Variants in KDELR1 observed in about 807,000 individuals in gnomAD.
The protein encoded by KDELR1 is KDEL endoplasmic reticulum protein retention receptor 1, also known as ER lumen protein-retaining receptor 1.
In KDELR1, 16 loss-of-function variants were observed where a neutral mutation model predicts 25.5. That is an observed-to-expected ratio of 0.63 (90% CI 0.43 to 0.95). The LOEUF is 0.95. Ranked by LOEUF, KDELR1 falls within the 40% of genes least tolerant of loss-of-function variation. The pLI is 0.00. For synonymous variants in KDELR1, 121 were observed against 115.0 expected, an observed-to-expected ratio of 1.05 and a Z score of -0.33; for missense variants, 159 against 265.2, an observed-to-expected ratio of 0.60 and a Z score of 2.78.
chr19:48,396,547 G>A (rs1970643945), upstream of KDELR1, among the ~76,000 whole-genome samples: 1 of 151,960 alleles, frequency 6.6e-6, no homozygotes. Flanking sequence ...GGGTTATTTT[G>A]GGGCGGAGTG....
Position 48,383,300 on chromosome 19 carries a change from G to A in KDELR1, c.632C>T (p.Pro211Leu). ...KVLKGKKLSL[P>L]A ...AGATGGAGAGGACCGGGGCTATGCC[G>A]GCAAACTCAACTTCTTCCCCTTTAG... The change falls in exon 5 of 5, where the codon CCG (proline) becomes CTG (leucine). Residue 211 changes from proline (P) to leucine (L), a missense_variant. Pro to Leu is a moderately conservative substitution (Grantham distance 98). Coordinates refer to ENST00000330720, the MANE Select transcript of KDELR1 (RefSeq NM_006801.3). The A allele has an allele frequency of 6.4e-6, 10 of 1,552,190 alleles. No homozygotes were observed. The highest frequency in any genetic ancestry group is 8.7e-6 in the Non-Finnish European group (10 of 1,147,244).
Position 48,383,112 on chromosome 19 carries a change from G to A in KDELR1, c.*181C>T. 1 of 629,934 alleles carries A rather than the reference G, an allele frequency of 1.6e-6. No individual in the cohort carries two copies. Among genetic ancestry groups the A allele is most frequent in the South Asian group, 2.0e-5 (1 of 51,038 alleles). 39.0% of individuals were successfully genotyped at this position (629,934 alleles called of 1,614,324 possible). ...AGGCAAAAAACTACAAACAGCCCAA[G>A]TCCTGAGCTCCCCAAGACCTGGATC... On this transcript the variant is annotated 3_prime_UTR_variant, in exon 5 of 5. Coordinates refer to ENST00000330720, the MANE Select transcript of KDELR1 (RefSeq NM_006801.3).
rs777267892 is a variant in KDELR1, at chr19:48,390,421, T to C, written c.192+3A>G. 1 of 1,610,482 alleles carries C rather than the reference T, an allele frequency of 6.2e-7. No homozygotes were observed. The highest frequency in any genetic ancestry group is 8.5e-7 in the Non-Finnish European group (1 of 1,176,788). On this transcript the variant is annotated splice_donor_region_variant and intron_variant, in intron 2 of 4. Coordinates refer to ENST00000330720, the MANE Select transcript of KDELR1 (RefSeq NM_006801.3). ...GGCCAGAGAGGTGGGGTGGAGCCTC[T>C]ACCTTCATACACGTGTTGTAGAGTG... is the stretch of plus-strand genomic sequence containing the variant.
intron 3 of KDELR1, among the ~76,000 whole-genome samples, chr19:48,388,908 AAAG>A: frequency 1.5e-4 from 13 of 89,490 alleles, no homozygotes; most frequent in East Asian, 1.4e-3. Context: ...AGAAAGGAAG[AAAG>A]GAAAGAAAGA....
upstream of KDELR1, among the ~76,000 whole-genome samples, chr19:48,393,384 C>CG (rs1172296065): frequency 6.6e-6 from 1 of 152,104 alleles, no homozygotes; most frequent in Non-Finnish European, 1.5e-5. This position sits in a 1 kb window ranked among gnomAD's most constrained non-coding sequence, Gnocchi z 5.6. Context: ...CAAGGCAGGG[C>CG]GGGGGCAGAG....
At chr19:48,389,438 T>G (rs1473494805) in intron 3 of KDELR1, 115 bp downstream of exon 3, 6 of 1,269,484 alleles carry the variant, frequency 4.7e-6, no homozygotes, top group Non-Finnish European at 5.6e-6. Flanking sequence ...TTATGCATCC[T>G]AAAATAAGGC....
upstream of KDELR1, chr19:48,391,581 GGGA>G (rs1970554476): frequency 2.0e-5 from 11 of 546,176 alleles, no homozygotes; most frequent in South Asian, 1.5e-4. Flanking sequence ...GGAGGAGTCC[GGGA>G]GGAGAGGCTC....
Position 48,384,161 on chromosome 19 carries a change from C to T in KDELR1, c.604+69G>A. On this transcript the variant is annotated intron_variant, in intron 4 of 4. Coordinates refer to ENST00000330720, the MANE Select transcript of KDELR1 (RefSeq NM_006801.3). This position sits in a 1 kb window ranked among gnomAD's most constrained non-coding sequence, Gnocchi z 4.6. ...GCATAATACAGGGGTAAGGAGACCC[C>T]AGTCCCCAGGGAGGGCAGGAGCTGC... 1 of 1,582,026 alleles carries T rather than the reference C, an allele frequency of 6.3e-7. No individual in the cohort carries two copies. The highest frequency in any genetic ancestry group is 8.6e-7 in the Non-Finnish European group (1 of 1,158,028).
At chr19:48,389,519 C>G (rs768259809) in intron 3 of KDELR1, 34 bp downstream of exon 3, 2 of 1,612,026 alleles carry the variant, frequency 1.2e-6, no homozygotes, top group Non-Finnish European at 1.7e-6. Flanking sequence ...CCACAACCAT[C>G]CCCCCAAATA....
chr19:48,392,305 A>G (rs1320161030), upstream of KDELR1, among the ~76,000 whole-genome samples: 1 of 144,336 alleles, frequency 6.9e-6, no homozygotes, highest in African/African-American at 2.6e-5. Flanking sequence ...CCTCCCTCAG[A>G]CCCAGGAGTC....
At position 48,387,723 on chromosome 19, in the gene KDELR1, T is replaced by G. The variant is rs1311549258; in HGVS notation, c.351+1830A>C. 4 of 151,000 alleles carry G rather than the reference T, an allele frequency of 2.6e-5. No homozygotes were observed. The East Asian group carries it at 7.7e-4, about 29-fold the overall frequency. 9.4% of individuals were successfully genotyped at this position (151,000 alleles called of 1,614,324 possible). A position where few individuals can be genotyped will look rare whatever the true frequency, so the allele number is the denominator to read the frequency against. On this transcript the variant is annotated intron_variant, in intron 3 of 4. Coordinates refer to ENST00000330720, the MANE Select transcript of KDELR1 (RefSeq NM_006801.3). ...AAAAAAAAGAAATATAGTCTGAATC[T>G]GTGGCTAAAATTTTAAAATGAGACA...
At position 48,384,498 on chromosome 19, in the gene KDELR1, G is replaced by C. The variant is rs140821885; in HGVS notation, c.352-16C>G. On this transcript the variant is annotated splice_polypyrimidine_tract_variant and intron_variant, in intron 3 of 4. Coordinates refer to ENST00000330720, the MANE Select transcript of KDELR1 (RefSeq NM_006801.3). This position sits in a 1 kb window ranked among gnomAD's most constrained non-coding sequence, Gnocchi z 4.6. ...TCCAGAGGATCTGCAGAGAGGCCGG[G>C]GACATGATGAGGTGGGAGGGGACAG... 1.9e-6 allele frequency: 3 copies of C among 1,608,414 alleles called. No homozygotes were observed. The highest frequency in any genetic ancestry group is 1.7e-6 in the Non-Finnish European group (2 of 1,176,922).
Position 48,384,352 on chromosome 19 carries a change from A to AGC in KDELR1, c.480_481dup (p.Leu161ArgfsTer44). 1 of 1,614,208 alleles carries AGC rather than the reference A, an allele frequency of 6.2e-7. No homozygotes were observed. The highest frequency in any genetic ancestry group is 8.5e-7 in the Non-Finnish European group (1 of 1,180,050). On this transcript the variant is annotated frameshift_variant, in exon 4 of 5. Coordinates refer to ENST00000330720, the MANE Select transcript of KDELR1 (RefSeq NM_006801.3). LOFTEE classifies it high-confidence loss of function. This position sits in a 1 kb window ranked among gnomAD's most constrained non-coding sequence, Gnocchi z 4.6. ...GCGCCAGATCCAGTTGAAGAGATAG[A>AGC]GCGTGCGGTAAACGCCTAGCGCAAA... is the stretch of plus-strand genomic sequence containing the variant.
chr19:48,390,258 CA>C, intron 2 of KDELR1, 165 bp downstream of exon 2: 1 of 558,366 alleles, frequency 1.8e-6, no homozygotes. Flanking sequence ...GTCCAGGCCT[CA>C]GTCCCTTCTT....
chr19:48,396,471 G>C (rs950187294), upstream of KDELR1, among the ~76,000 whole-genome samples: 5 of 152,044 alleles, frequency 3.3e-5, no homozygotes, highest in African/African-American at 1.2e-4. Context: ...GGGCTGGAGG[G>C]TGAGCAGCCA....
chr19:48,395,679 G>A (rs1970631038), upstream of KDELR1, among the ~76,000 whole-genome samples: 1 of 152,062 alleles, frequency 6.6e-6, no homozygotes, highest in Admixed American at 6.6e-5. Flanking sequence ...CCCCGCTTGG[G>A]GACAGGCTGT....
At chr19:48,388,111 T>G (rs1448193142) in intron 3 of KDELR1, among the ~76,000 whole-genome samples, 2 of 152,174 alleles carry the variant, frequency 1.3e-5, no homozygotes, top group African/African-American at 4.8e-5. Context: ...AACCTCTCAT[T>G]TGAACCCTAT....
At chr19:48,395,473 C>T (rs1017003319), upstream of KDELR1, among the ~76,000 whole-genome samples, 1 of 151,924 alleles carries the variant, frequency 6.6e-6, no homozygotes, top group Non-Finnish European at 1.5e-5. Context: ...CATCAGGATT[C>T]GGGTGGGGAG....
rs1385000858 is a variant in KDELR1 at position 48,382,920 on chromosome 19, C to G, written c.*373G>C. The G allele has an allele frequency of 1.0e-4, 22 of 212,020 alleles. No individual in the cohort carries two copies. Among genetic ancestry groups the G allele is most frequent in the Admixed American group, 2.2e-4 (4 of 17,952 alleles). The allele number at this position is 212,020 out of a possible 1,614,324, so 13.1% of individuals were successfully genotyped here. A position where few individuals can be genotyped will look rare whatever the true frequency, so the allele number is the denominator to read the frequency against. ...CAACCAGTGGGGCTGGGGGTGGGAT[C>G]TGGGAGGGAGCCGAGGGGCCTGGGG... On this transcript the variant is annotated 3_prime_UTR_variant, in exon 5 of 5. Transcript: ENST00000330720.
Sources: allele counts gnomAD v4.1 joint callset (sites outside exome capture counted in the v4.1 genomes callset), GRCh38; gene constraint gnomAD v4.1.1; non-coding constraint Gnocchi (gnomAD v3.1); transcripts MANE v1.5; gene names NCBI Gene and HGNC (gene_info 2026-07-23, HGNC 2026-07-21).